TYR: variants seen among roughly 807,000 people sequenced by gnomAD.
The protein encoded by TYR is LB24-AB.
TYR carries 58 observed loss-of-function variants against 51.5 expected under a neutral mutation model. The observed-to-expected ratio is 1.13, with a 90% confidence interval of 0.91 to 1.40. The LOEUF is 1.40. TYR is among the 40% of genes most tolerant of loss of function. The pLI is 0.00. For synonymous variants in TYR, 263 were observed against 235.2 expected (o/e 1.12, Z -1.08); for missense variants, 732 against 647.4 (o/e 1.13, Z -1.42).
chr11:89,251,692 G>T (rs1300119145), intron 3 of TYR, among the ~76,000 whole-genome samples: 2 of 151,838 alleles, frequency 1.3e-5, no homozygotes, highest in Admixed American at 1.3e-4. Flanking sequence ...CACAGCTCCT[G>T]TACGTCAGGT....
chr11:89,190,376 G>A (rs1943426956), intron 1 of TYR, among the ~76,000 whole-genome samples: 2 of 152,024 alleles, frequency 1.3e-5, no homozygotes, highest in African/African-American at 4.8e-5. Flanking sequence ...ACTCTGTGTA[G>A]GCCTATGCTA....
chr11:89,241,714 C>A (rs972638847), intron 3 of TYR, among the ~76,000 whole-genome samples: 1 of 147,986 alleles, frequency 6.8e-6, no homozygotes, highest in African/African-American at 2.5e-5. Flanking sequence ...TATTGCAGTC[C>A]ATTTGTATAG....
chr11:89,214,361 T>C (rs1943804926), intron 2 of TYR, among the ~76,000 whole-genome samples: 1 of 152,108 alleles, frequency 6.6e-6, no homozygotes, highest in South Asian at 2.1e-4. Context: ...AGAATGGCGA[T>C]CATTAAAAGG....
chr11:89,288,332 C>T (rs73531593), intron 4 of TYR, among the ~76,000 whole-genome samples: 1 of 151,886 alleles, frequency 6.6e-6, no homozygotes, highest in African/African-American at 2.4e-5. Flanking sequence ...GTGTCAAATA[C>T]TGAATCCAAA....
At chr11:89,243,023 A>T (rs765945710) in intron 3 of TYR, among the ~76,000 whole-genome samples, 11 of 152,246 alleles carry the variant, frequency 7.2e-5, no homozygotes, top group Non-Finnish European at 1.6e-4. Flanking sequence ...AATAACACTC[A>T]GGTGATACTG....
At chr11:89,203,457 G>GA (rs1943626502) in intron 2 of TYR, among the ~76,000 whole-genome samples, 1 of 152,136 alleles carries the variant, frequency 6.6e-6, no homozygotes, top group African/African-American at 2.4e-5. Flanking sequence ...ATTTTGGTGG[G>GA]AAAACAGAAA....
intron 3 of TYR, among the ~76,000 whole-genome samples, chr11:89,233,380 T>C (rs768708296): frequency 1.4e-5 from 2 of 140,090 alleles, no homozygotes; most frequent in Admixed American, 7.2e-5. Context: ...CTCAAAGTCA[T>C]CTATTAGGAT....
intron 3 of TYR, among the ~76,000 whole-genome samples, chr11:89,267,519 T>A (rs1287599424): frequency 6.6e-6 from 1 of 151,988 alleles, no homozygotes; most frequent in Non-Finnish European, 1.5e-5. Flanking sequence ...TGCCTGTAGG[T>A]AATAGCTTGT....
chr11:89,277,484 G>C (rs925072048), intron 3 of TYR, among the ~76,000 whole-genome samples: 3 of 151,670 alleles, frequency 2.0e-5, no homozygotes, highest in African/African-American at 4.8e-5. Context: ...TCAGTTATCA[G>C]CTAGAGGTTG....
chr11:89,242,417 G>T (rs1319821683), intron 3 of TYR, among the ~76,000 whole-genome samples: 2 of 151,946 alleles, frequency 1.3e-5, no homozygotes, highest in Non-Finnish European at 2.9e-5. Flanking sequence ...TCACCATTTG[G>T]CTAGGCTGGT....
chr11:89,240,071 C>T (rs1410032053), intron 3 of TYR, among the ~76,000 whole-genome samples: 1 of 151,936 alleles, frequency 6.6e-6, no homozygotes, highest in Non-Finnish European at 1.5e-5. Flanking sequence ...GTGGTGTAAG[C>T]CCTATGTTTC....
chr11:89,198,754 C>CATATATATATAT lies in TYR; in HGVS notation c.1036+7341_1036+7352dup, dbSNP rs144458836. Among the ~76,000 whole-genome samples, 232 of 146,384 alleles carry CATATATATATAT rather than the reference C, an allele frequency of 1.6e-3. 2 individuals carry two copies. The highest frequency in any genetic ancestry group is 4.2e-3 in the African/African-American group (159 of 37,810). ...TTTACTCAAAAGGTAACTTTTTTCT[C>CATATATATATAT]ATATATATATATATATTTTTATACT... On this transcript the variant is annotated intron_variant, in intron 2 of 4. Coordinates refer to ENST00000263321, the MANE Select transcript of TYR (RefSeq NM_000372.5).
chr11:89,226,243 A>G (rs1193776536), intron 2 of TYR, among the ~76,000 whole-genome samples: 1 of 152,114 alleles, frequency 6.6e-6, no homozygotes, highest in Non-Finnish European at 1.5e-5. Flanking sequence ...TAAAACAGGC[A>G]TCTGCTCTAA....
At chr11:89,250,629 T>C (rs1944319683) in intron 3 of TYR, among the ~76,000 whole-genome samples, 1 of 151,904 alleles carries the variant, frequency 6.6e-6, no homozygotes, top group Non-Finnish European at 1.5e-5. Flanking sequence ...TTCTAAGGCC[T>C]CTCTCTTTGA....
Position 89,206,420 on chromosome 11 carries a change from A to C in TYR, c.1036+15002A>C, listed in dbSNP as rs185213537. 3.4e-3 allele frequency among the ~76,000 whole-genome samples: 514 copies of C among 152,252 alleles called. 1 individual carries two copies. Among genetic ancestry groups the C allele is most frequent in the Middle Eastern group, 6.8e-3 (2 of 294 alleles). On this transcript the variant is annotated intron_variant, in intron 2 of 4. Transcript: ENST00000263321. The stretch of plus-strand genomic sequence containing the variant: ...AGAGAGGCACATTTTATCAAGATTA[A>C]TGAGTCAATCCAGTAAGAAGACATC...
In TYR at chr11:89,178,731, CCTAA is replaced by C. The variant is rs1413355871; in HGVS notation, c.781_784del (p.Asn261TyrfsTer57). On this transcript the variant is annotated frameshift_variant, in exon 1 of 5. Transcript: ENST00000263321. LOFTEE classifies it high-confidence loss of function. ...CATGGGAGGTCAGCACCCCACAAAT[CCTAA>C]CTTACTCAGCCCAGCATCATTCTTC... is the stretch of plus-strand genomic sequence containing the variant. 1 of 1,614,114 alleles carries C rather than the reference CCTAA, an allele frequency of 6.2e-7. No homozygotes were observed. Among genetic ancestry groups the C allele is most frequent in the South Asian group, 1.1e-5 (1 of 91,084 alleles).
intron 4 of TYR, among the ~76,000 whole-genome samples, chr11:89,294,804 C>T (rs1288811027): frequency 1.3e-5 from 2 of 152,122 alleles, no homozygotes; most frequent in Non-Finnish European, 2.9e-5. Context: ...TATTGATAAT[C>T]GGAATAGTTA....
chr11:89,197,015 G>A (rs929463044), intron 2 of TYR, among the ~76,000 whole-genome samples: 1 of 152,108 alleles, frequency 6.6e-6, no homozygotes, highest in African/African-American at 2.4e-5. Context: ...TATAAAATGA[G>A]GTAGGAACCC....
At chr11:89,217,410 C>T (rs187159224) in intron 2 of TYR, among the ~76,000 whole-genome samples, 1 of 152,192 alleles carries the variant, frequency 6.6e-6, no homozygotes, top group Non-Finnish European at 1.5e-5. Flanking sequence ...TCTACTGTCC[C>T]CCACTTATCT....
Sources: gnomAD v4.1 joint callset for allele counts (sites outside exome capture counted in the v4.1 genomes callset) on GRCh38, gnomAD v4.1.1 for gene constraint, MANE v1.5 for transcripts, NCBI Gene and HGNC (gene_info 2026-07-23, HGNC 2026-07-21) for gene names.